Variants in TGM2 observed in about 807,000 individuals in gnomAD.
TGM2 encodes transglutaminase 2, also known as protein-glutamine gamma-glutamyltransferase 2.
In TGM2, 53 loss-of-function variants were observed where a neutral mutation model predicts 75.6. That is an observed-to-expected ratio of 0.70 (90% CI 0.56 to 0.88). The LOEUF is 0.88. Among genes scored for constraint, TGM2 ranks in the 40% least tolerant of loss-of-function variants. The pLI, the probability that TGM2 is intolerant of heterozygous loss-of-function variation, is 0.00. For missense variants in TGM2, 842 were observed against 928.5 expected (o/e 0.91, Z 1.21); for synonymous variants, 374 against 381.1 (o/e 0.98, Z 0.22).
chr20:38,132,771 G>C (rs541496548), intron 10 of TGM2: 2 of 550,076 alleles, frequency 3.6e-6, no homozygotes, highest in Non-Finnish European at 6.9e-6. Context: ...GGGTGACCCC[G>C]CGTGAGCCAC....
At chr20:38,132,703 AG>A in intron 10 of TGM2, 1 of 730,184 alleles carries the variant, frequency 1.4e-6, no homozygotes. Context: ...CAGCGGGTAG[AG>A]GACGCACTTG....
intron 1 of TGM2, 63 bp downstream of exon 1, chr20:38,165,126 C>T (rs748751734): frequency 1.2e-6 from 2 of 1,612,674 alleles, no homozygotes; most frequent in Non-Finnish European, 1.7e-6. Flanking sequence ...CAGCTCCCAC[C>T]GGGTCCTGAC....
At chr20:38,146,674 C>A (rs910068530) in intron 6 of TGM2, 43 bp downstream of exon 6, 1 of 1,610,992 alleles carries the variant, frequency 6.2e-7, no homozygotes. Flanking sequence ...CTCTTCGTGC[C>A]CCCTCCCAGG....
chr20:38,130,425 C>G (rs2074813384), intron 12 of TGM2, 56 bp from the exon 13 acceptor site: 3 of 1,540,932 alleles, frequency 1.9e-6, no homozygotes, highest in South Asian at 2.4e-5. Context: ...CTCCCGCATG[C>G]TGGGGTCCAG....
At chr20:38,145,804 C>T (rs1411105644) in intron 6 of TGM2, 1 of 138,634 alleles carries the variant, frequency 7.2e-6, no homozygotes, top group African/African-American at 2.7e-5. Flanking sequence ...GGATCTTGCT[C>T]CGTTGCCCAG....
chr20:38,165,677 C>A (rs543040528), upstream of TGM2, among the ~76,000 whole-genome samples: 1 of 150,436 alleles, frequency 6.6e-6, no homozygotes, highest in African/African-American at 2.5e-5. Context: ...CCCCAACACA[C>A]ACACACACAC....
chr20:38,130,536 G>A (rs989810285), intron 12 of TGM2, among the ~76,000 whole-genome samples, 167 bp from the exon 13 acceptor site: 2 of 152,200 alleles, frequency 1.3e-5, no homozygotes, highest in Admixed American at 1.3e-4. Flanking sequence ...CTCCTAGAGT[G>A]AACAGTGCCT....
chr20:38,147,910 C>T (rs747525867), intron 5 of TGM2, 51 bp downstream of exon 5: 18 of 1,578,108 alleles, frequency 1.1e-5, no homozygotes, highest in Non-Finnish European at 1.5e-5. Flanking sequence ...GAGAGGCCTG[C>T]GGGAGCCCCC....
At chr20:38,136,596 G>A (rs1448993224) in intron 10 of TGM2, among the ~76,000 whole-genome samples, 1 of 152,204 alleles carries the variant, frequency 6.6e-6, no homozygotes, top group Non-Finnish European at 1.5e-5. Flanking sequence ...TGGTGACACA[G>A]CGAGATGCTG....
intron 10 of TGM2, among the ~76,000 whole-genome samples, chr20:38,134,190 C>T (rs1424899202): frequency 1.3e-5 from 2 of 152,144 alleles, no homozygotes; most frequent in Non-Finnish European, 2.9e-5. Flanking sequence ...AACCTTTGAC[C>T]GTGAACACTG....
rs1465099249 is a variant in TGM2 at position 38,129,201 on chromosome 20, G to A, written c.*1018C>T. 2 of 152,316 alleles carry A rather than the reference G, an allele frequency of 1.3e-5. No individual in the cohort carries two copies. The highest frequency in any genetic ancestry group is 4.8e-5 in the African/African-American group (2 of 41,440). The allele number at this position is 152,316 out of a possible 1,614,324, so 9.4% of individuals were successfully genotyped here. On this transcript the variant is annotated 3_prime_UTR_variant, in exon 13 of 13. Coordinates refer to ENST00000361475, the MANE Select transcript of TGM2 (RefSeq NM_004613.4). ...ACATGGAGTGGAGAGGATCCTTGGAGATGAGCTGGTTCAATCACTCCTCTG... is the reference window on the plus strand; with the variant it reads ...ACATGGAGTGGAGAGGATCCTTGGAAATGAGCTGGTTCAATCACTCCTCTG...
At position 38,146,834 on chromosome 20, in the gene TGM2, C is replaced by T. The variant is rs1600499259; in HGVS notation, c.742G>A (p.Gly248Ser). 4.3e-6 allele frequency: 7 copies of T among 1,614,008 alleles called. No homozygotes were observed. The highest frequency in any genetic ancestry group is 1.1e-5 in the South Asian group (1 of 91,092). The part of the protein sequence containing the change: ...LGRWDNNYGD[G>S]VSPMSWIGSV... ...CCGATCCAGGACATGGGGCTGACGC[C>T]GTCCCCGTAGTTGTTGTCCCAGCGT... The change falls in exon 6 of 13, where the codon GGC becomes AGC. Residue 248 changes from glycine to serine, a missense_variant. Gly to Ser is a moderately conservative substitution (Grantham distance 56, BLOSUM62 0). Coordinates refer to ENST00000361475, the MANE Select transcript of TGM2 (RefSeq NM_004613.4).
chr20:38,159,205 A>C (rs1352483063), intron 2 of TGM2, among the ~76,000 whole-genome samples: 3 of 152,140 alleles, frequency 2.0e-5, no homozygotes, highest in Non-Finnish European at 4.4e-5. Context: ...GGACATCTGG[A>C]GTGAAAGAAG....
rs750754152 is a variant in TGM2, at chr20:38,130,089, G to A, written c.*130C>T. 66 of 1,270,464 alleles carry A rather than the reference G, an allele frequency of 5.2e-5. No individual in the cohort carries two copies. The highest frequency in any genetic ancestry group is 6.4e-5 in the Non-Finnish European group (59 of 915,628). 78.7% of individuals were successfully genotyped at this position (1,270,464 alleles called of 1,614,324 possible). On this transcript the variant is annotated 3_prime_UTR_variant, in exon 13 of 13. Coordinates refer to ENST00000361475, the MANE Select transcript of TGM2 (RefSeq NM_004613.4). The stretch of plus-strand genomic sequence containing the variant: ...TGGGCCAGGGGCACATTCCATTTCC[G>A]AGAGCCCCCATAGGCTGCCCACCCT...
At chr20:38,162,533 A>T (rs928813710) in intron 1 of TGM2, among the ~76,000 whole-genome samples, 1 of 152,256 alleles carries the variant, frequency 6.6e-6, no homozygotes, top group Non-Finnish European at 1.5e-5. Flanking sequence ...TGAAAAAAAC[A>T]TTGAAGAGAG....
At chr20:38,156,487 T>C (rs1465093256) in intron 2 of TGM2, among the ~76,000 whole-genome samples, 3 of 152,278 alleles carry the variant, frequency 2.0e-5, no homozygotes, top group East Asian at 1.9e-4. Context: ...TTAGGCAACA[T>C]GCCCTAGGGC....
rs1009538262 is a variant in TGM2 at position 38,146,912 on chromosome 20, G to A, written c.682-18C>T. On this transcript the variant is annotated intron_variant, in intron 5 of 12. Coordinates refer to ENST00000361475, the MANE Select transcript of TGM2 (RefSeq NM_004613.4). The stretch of plus-strand genomic sequence containing the variant: ...CAGTTGACCTGCAACCAGTGGGGCA[G>A]CACGGGGACTGAGCCTGGGATGGGG... 6.2e-7 allele frequency: 1 copy of A among 1,610,018 alleles called. No individual in the cohort carries two copies. The highest frequency in any genetic ancestry group is 1.1e-5 in the South Asian group (1 of 90,936).
intron 4 of TGM2, among the ~76,000 whole-genome samples, chr20:38,149,584 C>T (rs772470226): frequency 6.7e-6 from 1 of 149,012 alleles, no homozygotes; most frequent in Non-Finnish European, 1.5e-5. Context: ...GAGGCTGAAG[C>T]AGGAGAATGG....
At chr20:38,133,581 A>T (rs1234936571) in intron 10 of TGM2, 1 of 152,316 alleles carries the variant, frequency 6.6e-6, no homozygotes, top group African/African-American at 2.4e-5. Flanking sequence ...TTAGCATTTA[A>T]GAAAACAGAC....
Sources: allele counts gnomAD v4.1 joint callset (sites outside exome capture counted in the v4.1 genomes callset), GRCh38; gene constraint gnomAD v4.1.1; transcripts MANE v1.5; gene names NCBI Gene and HGNC (gene_info 2026-07-23, HGNC 2026-07-21).